CHORDC1: variants seen among roughly 807,000 people sequenced by gnomAD.
The protein encoded by CHORDC1 is cysteine and histidine rich domain containing 1.
Under a neutral mutation model 48.3 loss-of-function variants are expected in CHORDC1, and 25 were observed. The ratio of observed to expected loss-of-function variants is 0.52; its 90% CI spans 0.38 to 0.72. The LOEUF (loss-of-function observed/expected upper bound fraction) is 0.72, where lower values mean the gene tolerates loss of function less well. Among genes scored for constraint, CHORDC1 ranks in the 30% least tolerant of loss-of-function variants. CHORDC1 has a pLI of 0.00. For synonymous variants in CHORDC1, 128 were observed against 126.4 expected (o/e 1.01, Z -0.09); for missense variants, 317 against 388.7 (o/e 0.82, Z 1.55).
At chr11:90,214,419 T>A (rs888163608) in intron 3 of CHORDC1, among the ~76,000 whole-genome samples, 1 of 152,098 alleles carries the variant, frequency 6.6e-6, no homozygotes. Context: ...ATTAAAAATA[T>A]GGCATAAACC....
At position 90,202,344 on chromosome 11, in the gene CHORDC1, A is replaced by T; in HGVS notation, c.*61T>A. On this transcript the variant is annotated 3_prime_UTR_variant, in exon 11 of 11. Transcript: ENST00000320585. Reference sequence around the variant, plus strand: ...AAACAAAAGATTACAGCAGCAAGCCACCACTTCACACAGTATTAAAAATTC... The same window carrying T: ...AAACAAAAGATTACAGCAGCAAGCCTCCACTTCACACAGTATTAAAAATTC... 6.8e-7 allele frequency: 1 copy of T among 1,466,498 alleles called. No homozygotes were observed. The highest frequency in any genetic ancestry group is 1.8e-5 in the Admixed American group (1 of 55,636). The allele number at this position is 1,466,498 out of a possible 1,614,324, so 90.8% of individuals were successfully genotyped here.
At chr11:90,205,741 CAG>C (rs1255236899) in intron 7 of CHORDC1, 176 bp from the exon 8 acceptor site, 18 of 565,016 alleles carry the variant, frequency 3.2e-5, no homozygotes, top group African/African-American at 1.3e-4. Context: ...AATGTGGAAA[CAG>C]AGTGGAAGAT....
intron 8 of CHORDC1, among the ~76,000 whole-genome samples, chr11:90,203,956 T>C (rs1857603951): frequency 6.6e-6 from 1 of 152,164 alleles, no homozygotes; most frequent in Non-Finnish European, 1.5e-5. Context: ...TTTCTGATTA[T>C]GAAAATAATC....
Position 90,201,483 on chromosome 11 carries a change from T to C in CHORDC1, c.*922A>G, listed in dbSNP as rs1318295938. 4.6e-5 allele frequency: 7 copies of C among 152,060 alleles called. No individual in the cohort carries two copies. The highest frequency in any genetic ancestry group is 1.7e-4 in the African/African-American group (7 of 41,442). The allele number at this position is 152,060 out of a possible 1,614,324, so 9.4% of individuals were successfully genotyped here. On this transcript the variant is annotated 3_prime_UTR_variant, in exon 11 of 11. Coordinates refer to ENST00000320585, the MANE Select transcript of CHORDC1 (RefSeq NM_012124.3). ...GCTATTTTTATTTAACATGTAATAG[T>C]CATAAAGCAACTCCATATATTTAGT...
In CHORDC1 at chr11:90,211,201, A is replaced by G; in HGVS notation, c.433+14T>C. On this transcript the variant is annotated intron_variant, in intron 5 of 10. Transcript: ENST00000320585. The stretch of plus-strand genomic sequence containing the variant: ...CCAGAAAATAATTAACAATAAAACA[A>G]AATAAAATCTTACCTTTCTTATTTT... 2.0e-6 allele frequency: 3 copies of G among 1,506,606 alleles called. No homozygotes were observed. The highest frequency in any genetic ancestry group is 2.8e-6 in the Non-Finnish European group (3 of 1,087,684). The allele number at this position is 1,506,606 out of a possible 1,614,324, so 93.3% of individuals were successfully genotyped here.
rs535554925 is a variant in CHORDC1 at position 90,210,605 on chromosome 11, G to GA, written c.434-12dup. The GA allele has an allele frequency of 7.7e-4, 1,137 of 1,485,798 alleles. No individual in the cohort carries two copies. Among genetic ancestry groups the GA allele is most frequent in the Non-Finnish European group, 8.9e-4 (963 of 1,087,340 alleles). 92.0% of individuals were successfully genotyped at this position (1,485,798 alleles called of 1,614,324 possible). ...CATCATTGTCTTCTTCTGTAACAAAGAAAAAAAAATCAAATTAAAAAGTTA... is the reference window on the plus strand; with the variant it reads ...CATCATTGTCTTCTTCTGTAACAAAGAAAAAAAAAATCAAATTAAAAAGTTA... On this transcript the variant is annotated splice_polypyrimidine_tract_variant and intron_variant, in intron 5 of 10. Coordinates refer to ENST00000320585, the MANE Select transcript of CHORDC1 (RefSeq NM_012124.3).
At chr11:90,214,243 C>A in intron 3 of CHORDC1, 68 bp from the exon 4 acceptor site, 1 of 1,177,994 alleles carries the variant, frequency 8.5e-7, no homozygotes, top group South Asian at 2.1e-5. Flanking sequence ...ATTATCTTTT[C>A]AGTTCTTTAT....
intron 1 of CHORDC1, among the ~76,000 whole-genome samples, chr11:90,218,838 G>A (rs868560511): frequency 1.3e-5 from 2 of 152,104 alleles, no homozygotes; most frequent in East Asian, 3.9e-4. Context: ...TGTCTGGAAA[G>A]TGAGGAGCAC....
intron 4 of CHORDC1, chr11:90,211,821 T>C (rs1039145688): frequency 6.5e-6 from 1 of 153,074 alleles, no homozygotes; most frequent in Non-Finnish European, 1.5e-5. Context: ...GCAATTTCAG[T>C]AGGGTTTAAA....
At chr11:90,204,294 C>T (rs773708286) in intron 8 of CHORDC1, among the ~76,000 whole-genome samples, 8 of 151,918 alleles carry the variant, frequency 5.3e-5, no homozygotes, top group Non-Finnish European at 1.2e-4. Flanking sequence ...TTTATTTTTT[C>T]AAACTAAAAT....
At chr11:90,221,620 G>C (rs367939307) in intron 1 of CHORDC1, among the ~76,000 whole-genome samples, 18 of 151,894 alleles carry the variant, frequency 1.2e-4, no homozygotes, top group African/African-American at 4.4e-4. Context: ...TACATAGGCT[G>C]CCAACACCAA....
chr11:90,219,052 G>T (rs1189435581), intron 1 of CHORDC1, among the ~76,000 whole-genome samples: 2 of 151,800 alleles, frequency 1.3e-5, no homozygotes, highest in African/African-American at 2.4e-5. Context: ...GATCACCTGA[G>T]GTCAGGAGTA....
At chr11:90,217,324 C>T (rs1181011277) in intron 2 of CHORDC1, among the ~76,000 whole-genome samples, 2 of 151,992 alleles carry the variant, frequency 1.3e-5, no homozygotes, top group African/African-American at 2.4e-5. Flanking sequence ...GGCAGCCCTA[C>T]CACAGCATCA....
In CHORDC1 at chr11:90,206,235, A is replaced by AT; in HGVS notation, c.529_530insA (p.Val177AspfsTer11). On this transcript the variant is annotated frameshift_variant, in exon 7 of 11. Coordinates refer to ENST00000320585, the MANE Select transcript of CHORDC1 (RefSeq NM_012124.3). LOFTEE classifies it high-confidence loss of function. ...GAAAATAGGTACTCCAGAATGATAT[A>AT]CACAGACTTCTTCTAGACTCTCTAG... 1 of 1,576,732 alleles carries AT rather than the reference A, an allele frequency of 6.3e-7. No homozygotes were observed. Among genetic ancestry groups the AT allele is most frequent in the Non-Finnish European group, 8.7e-7 (1 of 1,146,040 alleles).
intron 8 of CHORDC1, 129 bp downstream of exon 8, chr11:90,205,331 A>C: frequency 1.6e-6 from 1 of 639,344 alleles, no homozygotes; most frequent in South Asian, 2.0e-5. Context: ...TTTCGTAGTC[A>C]CATCAAAGCT....
At chr11:90,206,840 A>G (rs1857705698) in intron 6 of CHORDC1, 1 of 1,110,736 alleles carries the variant, frequency 9.0e-7, no homozygotes, top group Non-Finnish European at 1.2e-6. Context: ...AAATTATGTT[A>G]ATAAAACATG....
chr11:90,215,726 G>C (rs974596724), intron 2 of CHORDC1, among the ~76,000 whole-genome samples: 1 of 151,994 alleles, frequency 6.6e-6, no homozygotes, highest in Non-Finnish European at 1.5e-5. Context: ...AGCCTTTGAA[G>C]GTGATCTTTT....
chr11:90,212,794 G>A (rs1171631160), intron 4 of CHORDC1: 2 of 131,308 alleles, frequency 1.5e-5, no homozygotes, highest in East Asian at 5.0e-4. Context: ...ACCAAACCCA[G>A]CTAATTTATT....
At chr11:90,207,341 C>T (rs1857725804) in intron 6 of CHORDC1, 1 of 153,698 alleles carries the variant, frequency 6.5e-6, no homozygotes, top group Non-Finnish European at 1.4e-5. Context: ...ATCCATGTCA[C>T]ACCTTATACA....
Sources: allele counts gnomAD v4.1 joint callset (sites outside exome capture counted in the v4.1 genomes callset), GRCh38; gene constraint gnomAD v4.1.1; transcripts MANE v1.5; gene names NCBI Gene and HGNC (gene_info 2026-07-23, HGNC 2026-07-21).